The following COL28A1 variants were observed in gnomAD, a reference collection of about 807,000 sequenced individuals.
The protein encoded by COL28A1 is collagen type XXVIII alpha 1 chain.
In COL28A1, 161 loss-of-function variants were observed where a neutral mutation model predicts 150.2. The ratio of observed to expected loss-of-function variants is 1.07; its 90% CI spans 0.94 to 1.22. COL28A1 has a LOEUF of 1.22. Ranked by LOEUF, COL28A1 falls within the 50% of genes most tolerant of loss-of-function variation. COL28A1 has a pLI of 0.00. For missense variants in COL28A1, 1,617 were observed against 1,388.3 expected (o/e 1.16, Z -2.62); for synonymous variants, 552 against 469.7 (o/e 1.18, Z -2.26).
At chr7:7,455,901 C>T in intron 16 of COL28A1, 143 bp downstream of exon 16, 1 of 1,074,708 alleles carries the variant, frequency 9.3e-7, no homozygotes, top group Non-Finnish European at 1.2e-6. Flanking sequence ...CTTATCCTTC[C>T]CTATATTCAC....
In COL28A1 at chr7:7,417,890, C is replaced by A. The variant is rs751573664; in HGVS notation, c.2105G>T (p.Gly702Val). Reference sequence around the variant, plus strand: ...TCCCTGTGATCCATAGCCAGGGGGGCCAGGAGGGCCAGGCAAGCCTTTCTG... The same window carrying A: ...TCCCTGTGATCCATAGCCAGGGGGGACAGGAGGGCCAGGCAAGCCTTTCTG... ...TGQKGLPGPP[G>V]PPGYGSQGIK... Residue 702 changes from glycine (G) to valine (V), a missense_variant, in exon 27 of 35, where the codon GGC becomes GTC. Gly to Val is a moderately radical substitution (Grantham distance 109, BLOSUM62 -3). Coordinates refer to ENST00000399429, the MANE Select transcript of COL28A1 (RefSeq NM_001037763.3). The A allele has an allele frequency of 3.7e-6, 6 of 1,613,106 alleles. No individual in the cohort carries two copies. In the Admixed American group the frequency reaches 5.0e-5, roughly 13 times the overall value.
intron 27 of COL28A1, among the ~76,000 whole-genome samples, chr7:7,384,976 T>C (rs1782096077): frequency 2.0e-5 from 3 of 152,184 alleles, no homozygotes; most frequent in African/African-American, 4.8e-5. Context: ...CATGCTCTAA[T>C]AGGAGTGGAT....
chr7:7,360,607 A>C, intron 33 of COL28A1, 79 bp from the exon 34 acceptor site: 1 of 1,325,616 alleles, frequency 7.5e-7, no homozygotes, highest in Non-Finnish European at 1.0e-6. Context: ...GGAACATATA[A>C]AGACTAGTTC....
chr7:7,415,840 T>A (rs933496787), intron 27 of COL28A1, among the ~76,000 whole-genome samples: 1 of 152,096 alleles, frequency 6.6e-6, no homozygotes, highest in Admixed American at 6.5e-5. Flanking sequence ...TCTCACTCTG[T>A]CATCCAGGCT....
At chr7:7,542,235 C>A in the COL28A1 span, among the ~76,000 whole-genome samples, 1 of 152,288 alleles carries the variant, frequency 6.6e-6, no homozygotes, top group Admixed American at 6.5e-5. Flanking sequence ...GTAATCCCAG[C>A]CACTCAGGAG....
In COL28A1 at chr7:7,428,169, C is replaced by A. The variant is rs17457863; in HGVS notation, c.1998+4304G>T. Among the ~76,000 whole-genome samples the A allele has an allele frequency of 4.6e-3, 707 of 152,260 alleles. 5 individuals are homozygous for A. The highest frequency in any genetic ancestry group is 0.022 in the East Asian group (113 of 5,188). On this transcript the variant is annotated intron_variant, in intron 25 of 34. Transcript: ENST00000399429. The stretch of plus-strand genomic sequence containing the variant: ...GTAATTATACCTGTAATAACAACAA[C>A]AATCCAACAAGTCTTTTCTGCCAAC...
At chr7:7,437,142 C>T (rs1785402792) in intron 22 of COL28A1, among the ~76,000 whole-genome samples, 1 of 152,194 alleles carries the variant, frequency 6.6e-6, no homozygotes, top group Non-Finnish European at 1.5e-5. Flanking sequence ...TTCTTACCTG[C>T]ATTAGGGTTT....
At chr7:7,522,806 C>CCAAAA (rs1460030225) in intron 4 of COL28A1, among the ~76,000 whole-genome samples, 2 of 93,158 alleles carry the variant, frequency 2.1e-5, no homozygotes, top group African/African-American at 1.0e-4. Context: ...AGCTGAAGAG[C>CCAAAA]AAAAAAAAAA....
In COL28A1 at chr7:7,374,038, A is replaced by AATATATATATAT. The variant is rs60964603; in HGVS notation, c.2360-504_2360-493dup. On this transcript the variant is annotated intron_variant, in intron 31 of 34. Coordinates refer to ENST00000399429, the MANE Select transcript of COL28A1 (RefSeq NM_001037763.3). The stretch of plus-strand genomic sequence containing the variant: ...TACTTGACTCTTAAAAAAAAAAAAA[A>AATATATATATAT]ATATATATATATATATATATATACT... Among the ~76,000 whole-genome samples the AATATATATATAT allele has an allele frequency of 2.6e-4, 29 of 113,620 alleles. 1 individual carries two copies. Among genetic ancestry groups the AATATATATATAT allele is most frequent in the African/African-American group, 1.0e-3 (27 of 26,406 alleles). The allele number at this position is 113,620 out of a possible 152,430, so 74.5% of individuals were successfully genotyped here. A position where few individuals can be genotyped will look rare whatever the true frequency, so the allele number is the denominator to read the frequency against.
the COL28A1 span, among the ~76,000 whole-genome samples, chr7:7,541,988 T>G: frequency 6.6e-6 from 1 of 151,482 alleles, no homozygotes; most frequent in East Asian, 1.9e-4. Context: ...TAGTTGACAA[T>G]ACCATGCTGC....
At chr7:7,488,080 G>C (rs1779724805) in intron 13 of COL28A1, among the ~76,000 whole-genome samples, 1 of 152,156 alleles carries the variant, frequency 6.6e-6, no homozygotes, top group African/African-American at 2.4e-5. Context: ...GAACTCTCAT[G>C]TCAACCCGCA....
upstream of COL28A1, among the ~76,000 whole-genome samples, chr7:7,537,068 T>C (rs145953213): frequency 1.8e-4 from 28 of 152,290 alleles, no homozygotes; most frequent in East Asian, 4.8e-3. Flanking sequence ...CCTCTAATAA[T>C]AAACATTGAA....
chr7:7,441,291 G>A (rs557876009), intron 20 of COL28A1, among the ~76,000 whole-genome samples: 13 of 151,910 alleles, frequency 8.6e-5, no homozygotes, highest in African/African-American at 2.7e-4. Flanking sequence ...GCCCTATTTC[G>A]TCCTCACTGG....
At position 7,436,435 on chromosome 7, in the gene COL28A1, C is replaced by T; in HGVS notation, c.1820G>A (p.Gly607Glu). The change falls in exon 23 of 35, where the codon GGA becomes GAA. Residue 607 changes from glycine to glutamate, a missense_variant. Physicochemically the swap from Gly to Glu is moderately conservative, Grantham distance 98. Transcript: ENST00000399429. ...AGAAAGTCCAGGTTCTCCCTTAAATCCAGGTATCCCAGGTCCTCCTCTATC... is the reference window on the plus strand; with the variant it reads ...AGAAAGTCCAGGTTCTCCCTTAAATTCAGGTATCCCAGGTCCTCCTCTATC... ...KGDRGGPGIP[G>E]FKGEPGLSIR... 1.4e-6 allele frequency: 2 copies of T among 1,407,018 alleles called. No individual in the cohort carries two copies. Among genetic ancestry groups the T allele is most frequent in the Non-Finnish European group, 2.0e-6 (2 of 991,090 alleles). 87.2% of individuals were successfully genotyped at this position (1,407,018 alleles called of 1,614,324 possible). A position where few individuals can be genotyped will look rare whatever the true frequency, so the allele number is the denominator to read the frequency against.
intron 13 of COL28A1, among the ~76,000 whole-genome samples, chr7:7,487,975 C>T (rs976572126): frequency 8.5e-5 from 13 of 152,188 alleles, no homozygotes; most frequent in African/African-American, 3.1e-4. Flanking sequence ...CCTAGCTAAG[C>T]TCCCAGACAA....
intron 13 of COL28A1, among the ~76,000 whole-genome samples, chr7:7,477,811 C>T (rs966201193): frequency 6.6e-6 from 1 of 152,272 alleles, no homozygotes; most frequent in Admixed American, 6.5e-5. Context: ...GCTAGGGCAG[C>T]CTGCTTTTAT....
chr7:7,543,027 C>T, the COL28A1 span, among the ~76,000 whole-genome samples: 1 of 152,104 alleles, frequency 6.6e-6, no homozygotes, highest in Non-Finnish European at 1.5e-5. Flanking sequence ...TACACATATA[C>T]ATACGTAAGT....
intron 27 of COL28A1, among the ~76,000 whole-genome samples, chr7:7,398,757 G>A (rs931010761): frequency 1.3e-5 from 2 of 152,166 alleles, no homozygotes; most frequent in Admixed American, 6.5e-5. Context: ...AGACAGGGTT[G>A]CCTTTATGAC....
chr7:7,464,554 T>A (rs532815149), intron 15 of COL28A1, among the ~76,000 whole-genome samples: 2 of 152,352 alleles, frequency 1.3e-5, no homozygotes, highest in African/African-American at 4.8e-5. Flanking sequence ...AACCTGCTCC[T>A]GAAAGATCAC....
Sources: gnomAD v4.1 joint callset for allele counts (sites outside exome capture counted in the v4.1 genomes callset) on GRCh38, gnomAD v4.1.1 for gene constraint, MANE v1.5 for transcripts, NCBI Gene and HGNC (gene_info 2026-07-23, HGNC 2026-07-21) for gene names.